The following RANBP2 variants were observed in gnomAD, a reference collection of about 807,000 sequenced individuals.
RANBP2 encodes the protein E3 SUMO-protein ligase RanBP2.
RANBP2 carries 57 observed loss-of-function variants against 303.6 expected under a neutral mutation model. That is an observed-to-expected ratio of 0.19 (90% CI 0.15 to 0.23). The LOEUF (loss-of-function observed/expected upper bound fraction) is 0.23, where lower values mean the gene tolerates loss of function less well. RANBP2 is among the 10% of genes least tolerant of loss of function. The pLI is 1.00. For synonymous variants in RANBP2, 1,167 were observed against 1,301.5 expected (o/e 0.90, Z 2.23); for missense variants, 3,138 against 3,780.8 (o/e 0.83, Z 4.46).
At chr2:109,669,710 C>G in the RANBP2 span, among the ~76,000 whole-genome samples, 1 of 152,170 alleles carries the variant, frequency 6.6e-6, no homozygotes, top group Non-Finnish European at 1.5e-5. Context: ...TCTGACAACC[C>G]TCACCGCCTC....
chr2:109,036,073 C>T, the RANBP2 span, among the ~76,000 whole-genome samples: 1 of 152,046 alleles, frequency 6.6e-6, no homozygotes, highest in African/African-American at 2.4e-5. Context: ...AGAAATCAGA[C>T]ATTCTCAGAT....
At chr2:108,828,883 C>T in the RANBP2 span, among the ~76,000 whole-genome samples, 1 of 152,028 alleles carries the variant, frequency 6.6e-6, no homozygotes, top group Non-Finnish European at 1.5e-5. Flanking sequence ...GATGCTGAGG[C>T]AGGAGAATTG....
chr2:108,961,729 G>A, the RANBP2 span, among the ~76,000 whole-genome samples: 1 of 152,266 alleles, frequency 6.6e-6, no homozygotes, highest in East Asian at 1.9e-4. Context: ...GGAAAAGCCT[G>A]GGGAGGCTTC....
chr2:109,472,626 C>T, the RANBP2 span, among the ~76,000 whole-genome samples: 1 of 152,178 alleles, frequency 6.6e-6, no homozygotes, highest in African/African-American at 2.4e-5. Context: ...AAACAAAATT[C>T]AGGAAGTGAG....
chr2:109,614,626 C>G, the RANBP2 span: 214 of 1,463,232 alleles, frequency 1.5e-4, no homozygotes, highest in Non-Finnish European at 1.8e-4. Context: ...GGCGGCGAAC[C>G]GGAGCAGCGC....
the RANBP2 span, chr2:108,846,712 A>C: frequency 6.4e-7 from 1 of 1,568,468 alleles, no homozygotes; most frequent in Non-Finnish European, 8.7e-7. Flanking sequence ...GAATAAATAT[A>C]CTAAGATTGT....
the RANBP2 span, among the ~76,000 whole-genome samples, chr2:109,387,807 A>G: frequency 2.0e-5 from 3 of 152,202 alleles, no homozygotes; most frequent in South Asian, 6.2e-4. Context: ...CCTGGCCTGC[A>G]GTAGGTGCCC....
At chr2:109,120,980 C>T in the RANBP2 span, among the ~76,000 whole-genome samples, 5 of 152,196 alleles carry the variant, frequency 3.3e-5, no homozygotes, top group South Asian at 6.2e-4. Flanking sequence ...GGCGCGGTGG[C>T]TCACGCCTGT....
the RANBP2 span, among the ~76,000 whole-genome samples, chr2:109,109,174 A>C: frequency 1.8e-4 from 28 of 152,212 alleles, no homozygotes; most frequent in Non-Finnish European, 4.1e-4. Context: ...TGTCTTCTGA[A>C]TGAATCAGTG....
At chr2:109,639,544 A>C in the RANBP2 span, among the ~76,000 whole-genome samples, 31,701 of 151,500 alleles carry the variant, frequency 0.21, 3,814 homozygotes, top group Admixed American at 0.33. Context: ...GCTTGAACCC[A>C]GGAGGCGTTG....
the RANBP2 span, among the ~76,000 whole-genome samples, chr2:109,239,714 C>T: frequency 6.6e-6 from 1 of 152,154 alleles, no homozygotes; most frequent in Non-Finnish European, 1.5e-5. Context: ...AGTTGCTCTG[C>T]CAAGTGCTCC....
the RANBP2 span, among the ~76,000 whole-genome samples, chr2:109,048,020 C>T: frequency 1.3e-5 from 2 of 152,266 alleles, no homozygotes; most frequent in African/African-American, 2.4e-5. Context: ...CTCCTCCTGC[C>T]GTTACTTCTG....
chr2:109,139,140 T>A, the RANBP2 span, among the ~76,000 whole-genome samples: 3 of 152,324 alleles, frequency 2.0e-5, no homozygotes, highest in Admixed American at 6.5e-5. Flanking sequence ...CTCTTTATAA[T>A]CATATCCCAA....
chr2:108,741,494 C>CTTT, intron 7 of RANBP2, among the ~76,000 whole-genome samples: 1 of 120,654 alleles, frequency 8.3e-6, no homozygotes, highest in Non-Finnish European at 1.7e-5. Context: ...CTGCGCCTGG[C>CTTT]CTTTTTTTTT....
At chr2:109,069,948 T>A in the RANBP2 span, among the ~76,000 whole-genome samples, 1 of 152,202 alleles carries the variant, frequency 6.6e-6, no homozygotes, top group Non-Finnish European at 1.5e-5. Flanking sequence ...GCAGTGTACT[T>A]TCAGAATGTA....
chr2:109,009,724 T>TC, the RANBP2 span, among the ~76,000 whole-genome samples: 7 of 148,606 alleles, frequency 4.7e-5, no homozygotes, highest in African/African-American at 1.7e-4. Context: ...TTTTTTTTTT[T>TC]TGCAGGGACA....
chr2:108,861,217 CT>C, the RANBP2 span, among the ~76,000 whole-genome samples: 2 of 151,264 alleles, frequency 1.3e-5, no homozygotes, highest in South Asian at 4.2e-4. Flanking sequence ...GATCATCTCT[CT>C]TTTTTTCTTT....
At chr2:109,190,696 G>T in the RANBP2 span, among the ~76,000 whole-genome samples, 1 of 151,964 alleles carries the variant, frequency 6.6e-6, no homozygotes, top group South Asian at 2.1e-4. Flanking sequence ...CCTGCTGATG[G>T]TCTTCAAAAA....
At chr2:109,008,831 G>A in the RANBP2 span, among the ~76,000 whole-genome samples, 1 of 151,230 alleles carries the variant, frequency 6.6e-6, no homozygotes, top group East Asian at 1.9e-4. Context: ...CCCAGGAGAC[G>A]GAGCTTGCAG....
Sources: gnomAD v4.1 joint callset for allele counts (sites outside exome capture counted in the v4.1 genomes callset) on GRCh38, gnomAD v4.1.1 for gene constraint, MANE v1.5 for transcripts, NCBI Gene and HGNC (gene_info 2026-07-23, HGNC 2026-07-21) for gene names.